The following MFAP1 variants were observed in gnomAD, a reference collection of about 807,000 sequenced individuals.
The protein encoded by MFAP1 is microfibril associated protein 1, also known as microfibrillar-associated protein 1.
A neutral mutation model predicts 62.2 loss-of-function variants in MFAP1; 18 were observed. The ratio of observed to expected loss-of-function variants is 0.29; its 90% confidence interval spans 0.20 to 0.43. MFAP1 has a LOEUF of 0.43. MFAP1 is among the 20% of genes least tolerant of loss of function. The pLI is 1.00. For synonymous variants in MFAP1, 175 were observed against 180.4 expected (o/e 0.97, Z 0.24); for missense variants, 355 against 559.7 (o/e 0.63, Z 3.69).
chr15:43,809,372 T>C (rs975882021), intron 7 of MFAP1, among the ~76,000 whole-genome samples: 1 of 150,048 alleles, frequency 6.7e-6, no homozygotes, highest in African/African-American at 2.5e-5. Context: ...GGTTGTTGCA[T>C]GCCTGTAGTC....
Position 43,813,232 on chromosome 15 carries a change from C to A in MFAP1, c.726+17G>T, listed in dbSNP as rs754381554. On this transcript the variant is annotated intron_variant, in intron 5 of 8. Transcript: ENST00000267812. The stretch of plus-strand genomic sequence containing the variant: ...CACTATTTCTTGTACTCATTCCTTG[C>A]AACCACTCCCCAGTACCTTGAGTGT... The A allele has an allele frequency of 5.6e-6, 9 of 1,614,010 alleles. No individual in the cohort carries two copies. The African/African-American group carries it at 1.1e-4, about 19-fold the overall frequency.
At chr15:43,822,179 A>T (rs1034714557) in intron 1 of MFAP1, among the ~76,000 whole-genome samples, 1 of 150,538 alleles carries the variant, frequency 6.6e-6, no homozygotes, top group African/African-American at 2.5e-5. Flanking sequence ...CAGCTTGGTC[A>T]ACAAGAGTGA....
intron 1 of MFAP1, among the ~76,000 whole-genome samples, chr15:43,819,890 G>A (rs1461071946): frequency 6.6e-6 from 1 of 152,124 alleles, no homozygotes. Context: ...GCTCACGCCT[G>A]TAATCCCAGC....
At chr15:43,807,211 C>T (rs1208995058) in intron 7 of MFAP1, among the ~76,000 whole-genome samples, 4 of 151,124 alleles carry the variant, frequency 2.6e-5, no homozygotes, top group African/African-American at 4.9e-5. Context: ...ACTAGTTGGG[C>T]GTGGTGGTAC....
Position 43,805,088 on chromosome 15 carries a change from T to G in MFAP1, c.*6A>C, listed in dbSNP as rs1191059535. The G allele has an allele frequency of 1.0e-5, 16 of 1,570,472 alleles. No individual in the cohort carries two copies. The highest frequency in any genetic ancestry group is 1.3e-5 in the Non-Finnish European group (15 of 1,149,318). On this transcript the variant is annotated 3_prime_UTR_variant, in exon 9 of 9. Coordinates refer to ENST00000267812, the MANE Select transcript of MFAP1 (RefSeq NM_005926.3). ...TTCCACAGTTGGAAGAATAAGCAGT[T>G]GGACCCTAGGTAGTTTTCCGCTTCT...
intron 1 of MFAP1, among the ~76,000 whole-genome samples, chr15:43,820,764 C>A (rs1002284511): frequency 6.6e-5 from 10 of 152,006 alleles, no homozygotes; most frequent in Non-Finnish European, 1.0e-4. Flanking sequence ...CAACACCATG[C>A]CGGTCTAATT....
chr15:43,815,202 C>G (rs950133892), intron 2 of MFAP1, 128 bp from the exon 3 acceptor site: 2 of 1,121,698 alleles, frequency 1.8e-6, no homozygotes, highest in Non-Finnish European at 2.5e-6. Flanking sequence ...TTTTTTGAGG[C>G]AGGGTCTTGC....
chr15:43,816,945 T>C (rs2087437467), intron 2 of MFAP1, among the ~76,000 whole-genome samples: 3 of 152,200 alleles, frequency 2.0e-5, no homozygotes, highest in African/African-American at 7.2e-5. Flanking sequence ...GTGTTTTCTA[T>C]TCCCATAAGG....
At chr15:43,813,169 G>A (rs1402090138) in intron 5 of MFAP1, 22 bp from the exon 6 acceptor site, 3 of 1,613,884 alleles carry the variant, frequency 1.9e-6, no homozygotes, top group Non-Finnish European at 2.5e-6. Flanking sequence ...GAACAATTCA[G>A]CTTGGACTTC....
chr15:43,820,188 C>G (rs747974015), intron 1 of MFAP1, among the ~76,000 whole-genome samples: 4 of 151,434 alleles, frequency 2.6e-5, no homozygotes, highest in African/African-American at 4.9e-5. Context: ...TGTGGTGGCA[C>G]GCACCTGTAG....
chr15:43,805,963 T>C (rs1050255163), intron 7 of MFAP1, among the ~76,000 whole-genome samples: 32 of 150,142 alleles, frequency 2.1e-4, no homozygotes, highest in East Asian at 9.8e-4. Context: ...TTTTTTTTTT[T>C]CCCTGAGACA....
Position 43,811,014 on chromosome 15 carries a change from C to G in MFAP1, c.888-1100G>C, listed in dbSNP as rs563789761. Among the ~76,000 whole-genome samples the G allele has an allele frequency of 4.2e-3, 636 of 151,656 alleles. 3 individuals carry two copies. The highest frequency in any genetic ancestry group is 5.9e-3 in the Non-Finnish European group (397 of 67,832). ...TTGTGAGCCGCCCACCTCGGCCTCC[C>G]AAATTGTTGGGATTACAGGCGTGAG... is the stretch of plus-strand genomic sequence containing the variant. On this transcript the variant is annotated intron_variant, in intron 6 of 8. Transcript: ENST00000267812.
At chr15:43,813,190 T>G (rs762797126) in intron 5 of MFAP1, 43 bp from the exon 6 acceptor site, 1 of 1,614,116 alleles carries the variant, frequency 6.2e-7, no homozygotes, top group East Asian at 2.2e-5. Context: ...CTTACTCTCC[T>G]CAGACAAACC....
chr15:43,816,836 T>C (rs1221105355), intron 2 of MFAP1, among the ~76,000 whole-genome samples: 1 of 152,204 alleles, frequency 6.6e-6, no homozygotes, highest in Non-Finnish European at 1.5e-5. Flanking sequence ...TTTCCCCTTA[T>C]TAGCATTTAG....
chr15:43,818,532 A>C (rs1279749614), intron 1 of MFAP1, among the ~76,000 whole-genome samples: 2 of 151,738 alleles, frequency 1.3e-5, no homozygotes, highest in Non-Finnish European at 2.9e-5. Context: ...CAAAAAAAAA[A>C]AACCCCTAGA....
At chr15:43,808,705 A>G (rs1838266987) in intron 7 of MFAP1, among the ~76,000 whole-genome samples, 1 of 152,236 alleles carries the variant, frequency 6.6e-6, no homozygotes, top group Admixed American at 6.5e-5. Flanking sequence ...AATCAGATAG[A>G]CCTGAAACTG....
chr15:43,808,718 T>C (rs1450303823), intron 7 of MFAP1, among the ~76,000 whole-genome samples: 2 of 152,172 alleles, frequency 1.3e-5, no homozygotes, highest in Non-Finnish European at 2.9e-5. Flanking sequence ...TGAAACTGAT[T>C]TTGGAGGGTG....
chr15:43,812,590 A>C (rs942946436), intron 6 of MFAP1, among the ~76,000 whole-genome samples: 3 of 152,224 alleles, frequency 2.0e-5, no homozygotes, highest in Non-Finnish European at 4.4e-5. Flanking sequence ...ATGCAACTAC[A>C]TAAGTAAGCC....
intron 1 of MFAP1, among the ~76,000 whole-genome samples, chr15:43,823,116 C>T (rs929638458): frequency 7.3e-5 from 11 of 151,214 alleles, no homozygotes; most frequent in Non-Finnish European, 1.3e-4. Context: ...GGATTACAGG[C>T]GTGAGCCACC....
Sources: gnomAD v4.1 joint callset for allele counts (sites outside exome capture counted in the v4.1 genomes callset) on GRCh38, gnomAD v4.1.1 for gene constraint, MANE v1.5 for transcripts, NCBI Gene and HGNC (gene_info 2026-07-23, HGNC 2026-07-21) for gene names.